APIP: variants seen among roughly 807,000 people sequenced by gnomAD.
APIP encodes APAF1 interacting protein.
A neutral mutation model predicts 32.0 loss-of-function variants in APIP; 32 were observed. The ratio of observed to expected loss-of-function variants is 1.00; its 90% confidence interval spans 0.76 to 1.34. APIP has a LOEUF of 1.34. APIP is among the 40% of genes most tolerant of loss of function. The pLI is 0.00. For synonymous variants in APIP, 92 were observed against 94.8 expected (o/e 0.97, Z 0.17); for missense variants, 247 against 298.6 (o/e 0.83, Z 1.27).
intron 2 of APIP, among the ~76,000 whole-genome samples, chr11:34,894,517 C>T (rs1853236408): frequency 2.0e-5 from 3 of 148,600 alleles, no homozygotes; most frequent in Non-Finnish European, 4.5e-5. Flanking sequence ...GGCGTGGTCG[C>T]ACATGCCTGT....
intron 2 of APIP, among the ~76,000 whole-genome samples, chr11:34,890,979 A>G (rs1853177005): frequency 6.6e-6 from 1 of 152,142 alleles, no homozygotes; most frequent in Non-Finnish European, 1.5e-5. Flanking sequence ...CATGCAAAGA[A>G]TCAGGTTTGA....
At chr11:34,884,577 C>A (rs1853027014) in intron 5 of APIP, among the ~76,000 whole-genome samples, 1 of 152,022 alleles carries the variant, frequency 6.6e-6, no homozygotes, top group African/African-American at 2.4e-5. Context: ...ATACAAAAAT[C>A]AGCCAGGTAT....
chr11:34,915,555 T>C (rs1194695502), intron 1 of APIP, among the ~76,000 whole-genome samples: 2 of 152,228 alleles, frequency 1.3e-5, no homozygotes, highest in African/African-American at 2.4e-5. Context: ...CTCCAGACCC[T>C]GGGCCATTTA....
chr11:34,915,520 G>A (rs1853657702), intron 1 of APIP, among the ~76,000 whole-genome samples: 1 of 152,148 alleles, frequency 6.6e-6, no homozygotes, highest in Non-Finnish European at 1.5e-5. Flanking sequence ...ATCATATTGT[G>A]CTGAAACTGC....
intron 5 of APIP, 33 bp downstream of exon 5, chr11:34,888,260 T>A (rs1853111799): frequency 1.3e-6 from 2 of 1,498,124 alleles, no homozygotes; most frequent in Admixed American, 4.8e-5. Flanking sequence ...AGAATTCTTT[T>A]CAAATTATTT....
Position 34,895,130 on chromosome 11 carries a change from T to A in APIP, c.58-20A>T, listed in dbSNP as rs752038800. ...CTTGTCCTTAAAAAGAAGGTAATGA[T>A]TTTTAAAACAGACATCATTTTATCA... On this transcript the variant is annotated intron_variant, in intron 1 of 6. Transcript: ENST00000395787. 1 of 1,588,044 alleles carries A rather than the reference T, an allele frequency of 6.3e-7. No homozygotes were observed. Among genetic ancestry groups the A allele is most frequent in the Non-Finnish European group, 8.6e-7 (1 of 1,156,348 alleles).
intron 1 of APIP, among the ~76,000 whole-genome samples, chr11:34,898,338 C>T (rs988706914): frequency 1.5e-4 from 23 of 152,102 alleles, no homozygotes; most frequent in African/African-American, 5.1e-4. Flanking sequence ...ACACGGAGAA[C>T]CCCCCTCAAT....
chr11:34,895,374 G>A (rs769082370), intron 1 of APIP, among the ~76,000 whole-genome samples: 4 of 152,116 alleles, frequency 2.6e-5, no homozygotes, highest in Non-Finnish European at 5.9e-5. Context: ...AACAAGGTGG[G>A]GAAATGCCTA....
intron 5 of APIP, among the ~76,000 whole-genome samples, chr11:34,884,858 G>A (rs1406625168): frequency 6.6e-6 from 1 of 151,924 alleles, no homozygotes; most frequent in Non-Finnish European, 1.5e-5. Context: ...ATATTTTCAG[G>A]AGCAAAATAA....
intron 5 of APIP, among the ~76,000 whole-genome samples, chr11:34,886,101 A>C (rs1565132247): frequency 6.6e-6 from 1 of 152,162 alleles, no homozygotes; most frequent in Non-Finnish European, 1.5e-5. Context: ...TAAAAAGTTA[A>C]CTGTAAAGCA....
chr11:34,916,205 G>C (rs771164728), intron 1 of APIP, 23 bp downstream of exon 1: 1 of 1,605,080 alleles, frequency 6.2e-7, no homozygotes, highest in Admixed American at 1.7e-5. Context: ...GGGAATACCG[G>C]GCACCGGTGG....
chr11:34,906,743 C>A (rs1012463920), intron 1 of APIP, among the ~76,000 whole-genome samples: 1 of 152,116 alleles, frequency 6.6e-6, no homozygotes, highest in South Asian at 2.1e-4. Context: ...ACCTAAAGAT[C>A]AAATCAAAAT....
chr11:34,895,161 C>G, intron 1 of APIP, 51 bp from the exon 2 acceptor site: 1 of 1,500,698 alleles, frequency 6.7e-7, no homozygotes, highest in Non-Finnish European at 9.3e-7. Flanking sequence ...TATCAAGTAA[C>G]TATTCCAGCT....
chr11:34,906,058 G>A (rs528688240), intron 1 of APIP, among the ~76,000 whole-genome samples: 105 of 152,254 alleles, frequency 6.9e-4, no homozygotes, highest in Middle Eastern at 3.4e-3. Context: ...TTATCCCAAG[G>A]ATGCCCCTAT....
At chr11:34,907,580 A>T (rs949831477) in intron 1 of APIP, among the ~76,000 whole-genome samples, 2 of 152,238 alleles carry the variant, frequency 1.3e-5, no homozygotes, top group Non-Finnish European at 2.9e-5. Flanking sequence ...AAGTCATTTA[A>T]ACTGTCCAGA....
At chr11:34,898,796 T>C (rs1435962460) in intron 1 of APIP, among the ~76,000 whole-genome samples, 1 of 123,998 alleles carries the variant, frequency 8.1e-6, no homozygotes, top group African/African-American at 3.1e-5. Context: ...GTTTTTTTTT[T>C]TTTTTTTTTT....
Position 34,889,068 on chromosome 11 carries a change from T to G in APIP, c.208-199A>C, listed in dbSNP as rs112521169. On this transcript the variant is annotated intron_variant, in intron 3 of 6. Transcript: ENST00000395787. ...AACTTACATTTTAAATATATAATTA[T>G]AGTTTCTCAAAATAATTTAGCAATT... Among the ~76,000 whole-genome samples the G allele has an allele frequency of 5.5e-3, 833 of 152,162 alleles. 12 individuals are homozygous for G. Among genetic ancestry groups the G allele is most frequent in the African/African-American group, 0.019 (798 of 41,568 alleles).
At chr11:34,890,637 C>T (rs934234090) in intron 2 of APIP, 85 bp from the exon 3 acceptor site, 6 of 1,413,056 alleles carry the variant, frequency 4.2e-6, no homozygotes, top group Middle Eastern at 1.8e-4. Context: ...CATGCATGTT[C>T]TTTATAAATC....
At chr11:34,916,031 C>T (rs1368460177) in intron 1 of APIP, 197 bp downstream of exon 1, 4 of 679,094 alleles carry the variant, frequency 5.9e-6, no homozygotes, top group Non-Finnish European at 9.6e-6. Context: ...CCGCCCGAGA[C>T]CACTGATCTC....
Sources: allele counts gnomAD v4.1 joint callset (sites outside exome capture counted in the v4.1 genomes callset), GRCh38; gene constraint gnomAD v4.1.1; transcripts MANE v1.5; gene names NCBI Gene and HGNC (gene_info 2026-07-23, HGNC 2026-07-21).